Variants in PSMB7 observed in about 807,000 individuals in gnomAD.
PSMB7 encodes the protein proteasome subunit beta type-7.
A neutral mutation model predicts 28.1 loss-of-function variants in PSMB7; 5 were observed. The observed-to-expected ratio is 0.18, with a 90% CI of 0.09 to 0.37. The LOEUF is 0.37. Ranked by LOEUF, PSMB7 falls within the 10% of genes least tolerant of loss-of-function variation. The probability of loss-of-function intolerance (pLI) is 1.00; values close to 1 mark genes in which losing one functional copy is unlikely to be tolerated. For missense variants in PSMB7, 275 were observed against 346.2 expected (o/e 0.79, Z 1.63); for synonymous variants, 122 against 123.7 (o/e 0.99, Z 0.09).
chr9:124,407,645 T>C (rs1346666495), intron 4 of PSMB7, among the ~76,000 whole-genome samples: 1 of 152,242 alleles, frequency 6.6e-6, no homozygotes, highest in East Asian at 1.9e-4. Context: ...TGGCAAATTA[T>C]TGAAGTCATT....
At chr9:124,368,532 C>A (rs1254260247) in intron 6 of PSMB7, among the ~76,000 whole-genome samples, 1 of 152,206 alleles carries the variant, frequency 6.6e-6, no homozygotes, top group Admixed American at 6.5e-5. Context: ...TACATCCAAA[C>A]ATTGACATTT....
chr9:124,405,504 G>T, intron 4 of PSMB7, 72 bp from the exon 5 acceptor site: 1 of 1,047,426 alleles, frequency 9.5e-7, no homozygotes, highest in Non-Finnish European at 1.5e-6. Context: ...GCCAAAAGTT[G>T]CATGAGAAGT....
rs535851461 is a variant in PSMB7, at chr9:124,386,210, T to C, written c.512-1554A>G. On this transcript the variant is annotated intron_variant, in intron 5 of 7. Coordinates refer to ENST00000259457, the MANE Select transcript of PSMB7 (RefSeq NM_002799.4). ...CATTAAAAGCCCTCTGAAAAGGAGA[T>C]AGAAATTAAACAGATATAAAACTAG... is the stretch of plus-strand genomic sequence containing the variant. 4.3e-4 allele frequency among the ~76,000 whole-genome samples: 61 copies of C among 143,056 alleles called. 1 individual carries two copies. The highest frequency in any genetic ancestry group is 2.5e-3 in the Admixed American group (36 of 14,432). The allele number at this position is 143,056 out of a possible 152,430, so 93.9% of individuals were successfully genotyped here.
At chr9:124,373,494 CAG>C (rs1830581962) in intron 6 of PSMB7, among the ~76,000 whole-genome samples, 1 of 152,196 alleles carries the variant, frequency 6.6e-6, no homozygotes, top group Non-Finnish European at 1.5e-5. Context: ...GAAATAGCCT[CAG>C]GGGGAGCCTC....
intron 6 of PSMB7, among the ~76,000 whole-genome samples, chr9:124,370,117 T>C (rs973487815): frequency 5.9e-5 from 9 of 152,144 alleles, no homozygotes; most frequent in African/African-American, 2.2e-4. Context: ...GCAACTCCAG[T>C]GGCAACACAG....
chr9:124,354,171 T>TA (rs5900605), intron 7 of PSMB7, among the ~76,000 whole-genome samples: 34 of 152,048 alleles, frequency 2.2e-4, no homozygotes, highest in African/African-American at 7.5e-4. Flanking sequence ...ATAAACAGTG[T>TA]AAAAAAAATG....
At chr9:124,383,791 C>T (rs1830691448) in intron 6 of PSMB7, 1 of 152,186 alleles carries the variant, frequency 6.6e-6, no homozygotes, top group Non-Finnish European at 1.5e-5. Flanking sequence ...GAAGTTGATA[C>T]TCCCCATCAA....
At chr9:124,376,319 AAAT>A (rs1446802418) in intron 6 of PSMB7, among the ~76,000 whole-genome samples, 8 of 152,182 alleles carry the variant, frequency 5.3e-5, no homozygotes, top group African/African-American at 1.9e-4. Flanking sequence ...GCTCTCTTGT[AAAT>A]AATATTTGAA....
rs761499208 is a variant in PSMB7, at chr9:124,414,946, A to T, written c.63-11T>A. 5 of 1,595,100 alleles carry T rather than the reference A, an allele frequency of 3.1e-6. No homozygotes were observed. The highest frequency in any genetic ancestry group is 4.3e-6 in the Non-Finnish European group (5 of 1,164,644). Reference sequence around the variant, plus strand: ...TCCAAGACGGCATTCCTAAGAGCAAATGAGAGAATCAAGTGTTGAAGGGCA... The same window carrying T: ...TCCAAGACGGCATTCCTAAGAGCAATTGAGAGAATCAAGTGTTGAAGGGCA... On this transcript the variant is annotated splice_polypyrimidine_tract_variant and intron_variant, in intron 1 of 7. Transcript: ENST00000259457.
At chr9:124,411,873 T>A (rs1025869536) in intron 4 of PSMB7, among the ~76,000 whole-genome samples, 5 of 151,256 alleles carry the variant, frequency 3.3e-5, no homozygotes, top group Non-Finnish European at 7.4e-5. Flanking sequence ...GAGTAAGAGG[T>A]AGATAAAGGT....
intron 3 of PSMB7, among the ~76,000 whole-genome samples, chr9:124,413,169 A>C (rs1378160533): frequency 6.6e-6 from 1 of 150,796 alleles, no homozygotes; most frequent in African/African-American, 2.4e-5. Flanking sequence ...AAAAAAAAAA[A>C]AAAAAAGAAC....
At chr9:124,371,992 C>T (rs1588570973) in intron 6 of PSMB7, among the ~76,000 whole-genome samples, 1 of 152,158 alleles carries the variant, frequency 6.6e-6, no homozygotes, top group African/African-American at 2.4e-5. Context: ...ATATGTAAAG[C>T]AAAAACATTG....
At chr9:124,379,928 A>T (rs1830649118) in intron 6 of PSMB7, among the ~76,000 whole-genome samples, 1 of 152,242 alleles carries the variant, frequency 6.6e-6, no homozygotes, top group Non-Finnish European at 1.5e-5. Context: ...GGCAACAGAC[A>T]CATACTGAAC....
chr9:124,385,165 T>C lies in PSMB7; in HGVS notation c.512-509A>G, dbSNP rs533238472. On this transcript the variant is annotated intron_variant, in intron 5 of 7. Transcript: ENST00000259457. ...ACCGCACCAGCAATGGTAATAGGAC[T>C]GCGAGCAGCAGCCACCAGGTTATTC... is the stretch of plus-strand genomic sequence containing the variant. 4.6e-5 allele frequency among the ~76,000 whole-genome samples: 7 copies of C among 152,378 alleles called. No individual in the cohort carries two copies. The East Asian group carries it at 1.3e-3, about 29-fold the overall frequency.
rs184376834 is a variant in PSMB7 at position 124,358,281 on chromosome 9, G to A, written c.571-1366C>T. On this transcript the variant is annotated intron_variant, in intron 6 of 7. Transcript: ENST00000259457. ...CCCCATGCCAGACTAGGATTCCAGTGACATAAGCGCCCTCTACAGACTCAG... is the reference window on the plus strand; with the variant it reads ...CCCCATGCCAGACTAGGATTCCAGTAACATAAGCGCCCTCTACAGACTCAG... Among the ~76,000 whole-genome samples the A allele has an allele frequency of 7.5e-3, 1,138 of 152,274 alleles. 14 individuals are homozygous for A. The highest frequency in any genetic ancestry group is 0.025 in the African/African-American group (1,052 of 41,546).
intron 6 of PSMB7, among the ~76,000 whole-genome samples, chr9:124,360,295 A>G (rs988136993): frequency 6.6e-6 from 1 of 152,248 alleles, no homozygotes; most frequent in Admixed American, 6.5e-5. Context: ...CAATAAGCGC[A>G]AGAAGCACTG....
At chr9:124,405,764 C>T (rs573262946) in intron 4 of PSMB7, among the ~76,000 whole-genome samples, 7 of 152,292 alleles carry the variant, frequency 4.6e-5, no homozygotes, top group African/African-American at 1.4e-4. Context: ...TCACTGCAGC[C>T]TCAACCTCCC....
In PSMB7 at chr9:124,405,877, C is replaced by T. The variant is rs138334354; in HGVS notation, c.396-445G>A. ...TTTGTATTTTTTTTTGGAGAGATGGCGTCTCGCCAAATTGCCCAGGCTGGT... is the reference window on the plus strand; with the variant it reads ...TTTGTATTTTTTTTTGGAGAGATGGTGTCTCGCCAAATTGCCCAGGCTGGT... On this transcript the variant is annotated intron_variant, in intron 4 of 7. Coordinates refer to ENST00000259457, the MANE Select transcript of PSMB7 (RefSeq NM_002799.4). 7.0e-3 allele frequency among the ~76,000 whole-genome samples: 1,057 copies of T among 151,922 alleles called. 7 individuals carry two copies. The highest frequency in any genetic ancestry group is 0.017 in the Middle Eastern group (5 of 294).
Position 124,389,470 on chromosome 9 carries a change from G to A in PSMB7, c.512-4814C>T, listed in dbSNP as rs77117057. ...TTCAGTGACCAGCACTTAGGTGAAT[G>A]TAAGTGAGGACACTATGATGGCTAC... On this transcript the variant is annotated intron_variant, in intron 5 of 7. Coordinates refer to ENST00000259457, the MANE Select transcript of PSMB7 (RefSeq NM_002799.4). 7.2e-3 allele frequency among the ~76,000 whole-genome samples: 1,099 copies of A among 152,254 alleles called. 15 individuals carry two copies. The highest frequency in any genetic ancestry group is 0.025 in the African/African-American group (1,040 of 41,526).
Sources: allele counts gnomAD v4.1 joint callset (sites outside exome capture counted in the v4.1 genomes callset), GRCh38; gene constraint gnomAD v4.1.1; transcripts MANE v1.5; gene names NCBI Gene and HGNC (gene_info 2026-07-23, HGNC 2026-07-21).